Variants in PNN observed in about 807,000 individuals in gnomAD.
PNN encodes pinin.
PNN carries 38 observed loss-of-function variants against 76.6 expected under a neutral mutation model. That is an observed-to-expected ratio of 0.50 (90% CI 0.38 to 0.65). PNN has a LOEUF of 0.65. PNN is among the 30% of genes least tolerant of loss of function. PNN has a pLI of 0.00. For synonymous variants in PNN, 366 were observed against 283.7 expected (o/e 1.29, Z -2.91); for missense variants, 873 against 874.1 (o/e 1.00, Z 0.02).
Position 39,176,723 on chromosome 14 carries a change from C to G in PNN, c.254+128C>G, listed in dbSNP as rs555684582. The G allele has an allele frequency of 1.4e-4, 95 of 657,818 alleles. 1 individual carries two copies. The highest frequency in any genetic ancestry group is 1.3e-4 in the Admixed American group (4 of 30,858). The allele number at this position is 657,818 out of a possible 1,614,324, so 40.7% of individuals were successfully genotyped here. A position where few individuals can be genotyped will look rare whatever the true frequency, so the allele number is the denominator to read the frequency against. Reference sequence around the variant, plus strand: ...GAGTGGTATGCCACTCCCTGCCCCCCCCAAGTTCTGTTGGTATTTGACTGA... The same window carrying G: ...GAGTGGTATGCCACTCCCTGCCCCCGCCAAGTTCTGTTGGTATTTGACTGA... On this transcript the variant is annotated intron_variant, in intron 3 of 8. Transcript: ENST00000216832.
In PNN at chr14:39,182,441, A is replaced by G. The variant is rs901633383; in HGVS notation, c.*578A>G. 1 of 152,644 alleles carries G rather than the reference A, an allele frequency of 6.6e-6. No homozygotes were observed. Among genetic ancestry groups the G allele is most frequent in the Non-Finnish European group, 1.5e-5 (1 of 68,052 alleles). The allele number at this position is 152,644 out of a possible 1,614,324, so 9.5% of individuals were successfully genotyped here. ...AGGGGGAACAGTTCTCTTTAAAATC[A>G]TTTGCTATTTTCTATTCTCCCTTGT... On this transcript the variant is annotated 3_prime_UTR_variant, in exon 9 of 9. Coordinates refer to ENST00000216832, the MANE Select transcript of PNN (RefSeq NM_002687.4).
chr14:39,177,360 T>A, intron 3 of PNN, 52 bp from the exon 4 acceptor site: 11 of 1,471,968 alleles, frequency 7.5e-6, no homozygotes, highest in Non-Finnish European at 1.0e-5. Flanking sequence ...CACTTCAGCC[T>A]GGGTGGTATA....
chr14:39,176,753 TTGA>T (rs1224529272), intron 3 of PNN, among the ~76,000 whole-genome samples, 158 bp downstream of exon 3: 1 of 152,138 alleles, frequency 6.6e-6, no homozygotes, highest in Non-Finnish European at 1.5e-5. Flanking sequence ...GACTGAACAG[TTGA>T]CTATCAGTTC....
rs1315019090 is a variant in PNN at position 39,180,632 on chromosome 14, A to G, written c.923A>G (p.Glu308Gly). 1.9e-6 allele frequency: 3 copies of G among 1,613,912 alleles called. No homozygotes were observed. Among genetic ancestry groups the G allele is most frequent in the Non-Finnish European group, 2.5e-6 (3 of 1,179,902 alleles). Residue 308 changes from glutamate (E) to glycine (G), a missense_variant, in exon 9 of 9, where the codon GAA (glutamate) becomes GGA (glycine). Coordinates refer to ENST00000216832, the MANE Select transcript of PNN (RefSeq NM_002687.4). ...VRNEEQKAEQ[E>G]EGKVAQREEE... ...AATGAAGAACAGAAGGCGGAACAAG[A>G]AGAGGGTAAGGTGGCTCAGCGAGAG...
In PNN at chr14:39,179,991, T is replaced by C. The variant is rs546182553; in HGVS notation, c.794-512T>C. On this transcript the variant is annotated intron_variant, in intron 8 of 8. Coordinates refer to ENST00000216832, the MANE Select transcript of PNN (RefSeq NM_002687.4). ...ATGATGGAGTTTAATGTGAAAGTTA[T>C]AGACAGTGCTTATGCATCTGTATTC... 1.3e-3 allele frequency among the ~76,000 whole-genome samples: 197 copies of C among 152,322 alleles called. 1 individual carries two copies. Among genetic ancestry groups the C allele is most frequent in the Non-Finnish European group, 3.2e-4 (22 of 68,024 alleles).
rs375209050 is a variant in PNN, at chr14:39,175,381, G to C, written c.102G>C (p.Pro34=). Residue 34 remains proline (P), a synonymous_variant, in exon 1 of 9, where the codon CCG becomes CCC. Coordinates refer to ENST00000216832, the MANE Select transcript of PNN (RefSeq NM_002687.4). ...ENIRKLTGRD[P]NDVRPIQARL... ...TTCGCAAGCTCACCGGGCGGGATCC[G>C]AATGACGTGAGGTAAGGGCCTAACG... 1 of 1,604,012 alleles carries C rather than the reference G, an allele frequency of 6.2e-7. No individual in the cohort carries two copies. Among genetic ancestry groups the C allele is most frequent in the Non-Finnish European group, 8.5e-7 (1 of 1,171,530 alleles).
rs781653328 is a variant in PNN at position 39,176,115 on chromosome 14, G to A, written c.151G>A (p.Gly51Ser). 10 of 1,609,486 alleles carry A rather than the reference G, an allele frequency of 6.2e-6. No homozygotes were observed. The South Asian group carries it at 9.9e-5, about 16-fold the overall frequency. ...CAGATTGCTGGCCCTTTCTGGTCCT[G>A]GTGGAGGTAGAGGACGTGGTAGTTT... ...QARLLALSGP[G>S]GGRGRGSLLL... is the part of the protein sequence containing the mutation. The change falls in exon 2 of 9, where the codon GGT becomes AGT. Residue 51 changes from glycine (G) to serine (S), a missense_variant. Gly to Ser is a moderately conservative substitution (Grantham distance 56). Around this residue, in one of 3 missense-constraint regions of PNN, gnomAD observed 156 missense variants for 161.7 expected, o/e 0.96. Coordinates refer to ENST00000216832, the MANE Select transcript of PNN (RefSeq NM_002687.4).
rs1399868350 is a variant in PNN at position 39,179,211 on chromosome 14, C to T, written c.619C>T (p.Arg207Trp). ...GAGGCGTGCTAAACAGACAGAACTG[C>T]GGCTTTTGGAACAGAAAGTTGAGCT... ...EERRAKQTEL[R>W]LLEQKVELAQ... Residue 207 changes from arginine (R) to tryptophan (W), a missense_variant, in exon 7 of 9, where the codon CGG (arginine) becomes TGG (tryptophan). Around this residue, in one of 3 missense-constraint regions of PNN, gnomAD observed 712 missense variants for 693.1 expected, o/e 1.03. Coordinates refer to ENST00000216832, the MANE Select transcript of PNN (RefSeq NM_002687.4). The T allele has an allele frequency of 2.5e-5, 41 of 1,612,496 alleles. No individual in the cohort carries two copies. The highest frequency in any genetic ancestry group is 3.4e-5 in the Non-Finnish European group (40 of 1,179,708).
At position 39,181,734 on chromosome 14, in the gene PNN, A is replaced by T; in HGVS notation, c.2025A>T (p.Thr675=). Residue 675 remains threonine, a synonymous_variant, in exon 9 of 9, where the codon ACA becomes ACT. Transcript: ENST00000216832. ...KSSKGGSSRD[T]KGSKDKNSRS... ...CAAAAGGTGGTAGTAGTAGAGATAC[A>T]AAAGGATCAAAGGATAAGAATTCCC... The T allele has an allele frequency of 6.2e-7, 1 of 1,614,190 alleles. No homozygotes were observed. The highest frequency in any genetic ancestry group is 8.5e-7 in the Non-Finnish European group (1 of 1,180,018).
intron 2 of PNN, 150 bp downstream of exon 2, chr14:39,176,299 A>G: frequency 1.6e-6 from 1 of 636,944 alleles, no homozygotes; most frequent in Non-Finnish European, 2.8e-6. Flanking sequence ...TTCTGTATAA[A>G]TATAGTTATC....
rs905679337 is a variant in PNN at position 39,181,780 on chromosome 14, A to T, written c.2071A>T (p.Ile691Leu). ...KNSRSDRKRS[I>L]SESSRSGKRS... The stretch of plus-strand genomic sequence containing the variant: ...TTCCCGGTCCGACAGAAAGAGGTCT[A>T]TATCAGAGAGTAGTCGATCAGGCAA... Residue 691 changes from isoleucine (I) to leucine (L), a missense_variant, in exon 9 of 9, where the codon ATA becomes TTA. By Grantham distance (5) the Ile-to-Leu change is conservative. Transcript: ENST00000216832. The T allele has an allele frequency of 6.2e-7, 1 of 1,614,016 alleles. No homozygotes were observed. Among genetic ancestry groups the T allele is most frequent in the Non-Finnish European group, 8.5e-7 (1 of 1,179,934 alleles).
chr14:39,177,899 A>G lies in PNN; in HGVS notation c.481A>G (p.Thr161Ala). ...CCTTCAAAAATTTAAACAAGAATCC[A>G]CTGTTGCTACTGAAAGGGTATTTAT... is the stretch of plus-strand genomic sequence containing the variant. The part of the protein sequence containing the change: ...GTLQKFKQES[T>A]VATERQKRRQ... The change falls in exon 6 of 9, where the codon ACT (threonine) becomes GCT (alanine). Residue 161 changes from threonine (T) to alanine (A), a missense_variant. Thr to Ala is a moderately conservative substitution (Grantham distance 58). Around this residue, in one of 3 missense-constraint regions of PNN, gnomAD observed 712 missense variants for 693.1 expected, o/e 1.03. Coordinates refer to ENST00000216832, the MANE Select transcript of PNN (RefSeq NM_002687.4). 1 of 1,603,300 alleles carries G rather than the reference A, an allele frequency of 6.2e-7. No individual in the cohort carries two copies. Among genetic ancestry groups the G allele is most frequent in the Non-Finnish European group, 8.5e-7 (1 of 1,170,442 alleles).
intron 1 of PNN, 71 bp downstream of exon 1, chr14:39,175,463 C>T (rs908217807): frequency 1.4e-5 from 12 of 866,578 alleles, no homozygotes; most frequent in Admixed American, 4.0e-5. Flanking sequence ...GAATTGGGGG[C>T]GGGGAGGGCG....
chr14:39,181,884 T>C lies in PNN; in HGVS notation c.*21T>C, dbSNP rs965756259. ...GTTAATGGAAGAAGCCAGGCTTTCT[T>C]AGCCATTCTTTGCAGCAGAAGATTT... is the stretch of plus-strand genomic sequence containing the variant. On this transcript the variant is annotated 3_prime_UTR_variant, in exon 9 of 9. Transcript: ENST00000216832. The C allele has an allele frequency of 6.5e-7, 1 of 1,540,700 alleles. No homozygotes were observed. Among genetic ancestry groups the C allele is most frequent in the Non-Finnish European group, 8.7e-7 (1 of 1,152,628 alleles).
At chr14:39,175,519 G>A in intron 1 of PNN, 127 bp downstream of exon 1, 2 of 688,150 alleles carry the variant, frequency 2.9e-6, no homozygotes, top group South Asian at 3.2e-5. Flanking sequence ...TCGCGGGGCG[G>A]CGGGTAAAAC....
In PNN at chr14:39,175,408, G is replaced by A. The variant is rs2053211520; in HGVS notation, c.113+16G>A. 7.0e-7 allele frequency: 1 copy of A among 1,433,014 alleles called. No homozygotes were observed. The highest frequency in any genetic ancestry group is 9.8e-7 in the Non-Finnish European group (1 of 1,024,896). 88.8% of individuals were successfully genotyped at this position (1,433,014 alleles called of 1,614,324 possible). A position where few individuals can be genotyped will look rare whatever the true frequency, so the allele number is the denominator to read the frequency against. The stretch of plus-strand genomic sequence containing the variant: ...ATGACGTGAGGTAAGGGCCTAACGG[G>A]AACTCGGAACTCGGAGCTCGGAGAG... On this transcript the variant is annotated intron_variant, in intron 1 of 8. Coordinates refer to ENST00000216832, the MANE Select transcript of PNN (RefSeq NM_002687.4).
chr14:39,175,654 A>C, intron 1 of PNN: 1 of 512,692 alleles, frequency 2.0e-6, no homozygotes, highest in Non-Finnish European at 3.4e-6. Flanking sequence ...GAAGACCCGG[A>C]CTGCTGATTC....
intron 8 of PNN, among the ~76,000 whole-genome samples, chr14:39,180,075 C>T (rs772235519): frequency 1.3e-5 from 2 of 151,928 alleles, no homozygotes; most frequent in Non-Finnish European, 2.9e-5. Flanking sequence ...TGATAAAATG[C>T]TAATAAGACA....
rs1034422549 is a variant in PNN, at chr14:39,182,850, T to A, written c.*987T>A. On this transcript the variant is annotated 3_prime_UTR_variant, in exon 9 of 9. Coordinates refer to ENST00000216832, the MANE Select transcript of PNN (RefSeq NM_002687.4). ...ATAACACACAAGTGTACCAAGTGAT[T>A]ATTAACTTTGTTGTTTTACAAATTT... 6.5e-6 allele frequency: 1 copy of A among 152,678 alleles called. No individual in the cohort carries two copies. The highest frequency in any genetic ancestry group is 6.5e-5 in the Admixed American group (1 of 15,284). The allele number at this position is 152,678 out of a possible 1,614,324, so 9.5% of individuals were successfully genotyped here.
Sources: gnomAD v4.1 joint callset for allele counts (sites outside exome capture counted in the v4.1 genomes callset) on GRCh38, gnomAD v4.1.1 for gene constraint, gnomAD v4.1.1 regional missense constraint, MANE v1.5 for transcripts, NCBI Gene and HGNC (gene_info 2026-07-23, HGNC 2026-07-21) for gene names.